The following SCAPER variants were observed in gnomAD, a reference collection of about 807,000 sequenced individuals.
SCAPER encodes the protein S-phase cyclin A associated protein in the ER, also known as S phase cyclin A-associated protein in the endoplasmic reticulum.
Under a neutral mutation model 182.2 loss-of-function variants are expected in SCAPER, and 98 were observed. That is an observed-to-expected ratio of 0.54 (90% CI 0.46 to 0.64). The LOEUF (loss-of-function observed/expected upper bound fraction) is 0.64, where lower values mean the gene tolerates loss of function less well. Ranked by LOEUF, SCAPER falls within the 30% of genes least tolerant of loss-of-function variation. The pLI is 0.00. For missense variants in SCAPER, 1,432 were observed against 1,690.0 expected (o/e 0.85, Z 2.68); for synonymous variants, 605 against 564.6 (o/e 1.07, Z -1.01).
chr15:76,630,094 T>C (rs771557672), intron 21 of SCAPER, among the ~76,000 whole-genome samples: 2 of 152,214 alleles, frequency 1.3e-5, no homozygotes, highest in African/African-American at 2.4e-5. Context: ...ATACAGTATA[T>C]AGTACTGTGG....
rs762297845 is a variant in SCAPER, at chr15:76,765,645, T to C, written c.1420-7A>G. On this transcript the variant is annotated splice_region_variant and splice_polypyrimidine_tract_variant and intron_variant, in intron 11 of 31. Transcript: ENST00000563290. ...TCCCACTGCCCATGCTGGCCTAAAA[T>C]GTAATAAGGGAAGTTGAAAATCAAA... The C allele has an allele frequency of 6.4e-7, 1 of 1,566,608 alleles. No individual in the cohort carries two copies. Among genetic ancestry groups the C allele is most frequent in the Non-Finnish European group, 8.7e-7 (1 of 1,154,078 alleles).
At position 76,765,654 on chromosome 15, in the gene SCAPER, G is replaced by C; in HGVS notation, c.1420-16C>G. ...CCATGCTGGCCTAAAATGTAATAAGGGAAGTTGAAAATCAAATCTTTGAAC... is the reference window on the plus strand; with the variant it reads ...CCATGCTGGCCTAAAATGTAATAAGCGAAGTTGAAAATCAAATCTTTGAAC... On this transcript the variant is annotated splice_polypyrimidine_tract_variant and intron_variant, in intron 11 of 31. Coordinates refer to ENST00000563290, the MANE Select transcript of SCAPER (RefSeq NM_020843.4). 2 of 1,557,062 alleles carry C rather than the reference G, an allele frequency of 1.3e-6. No individual in the cohort carries two copies. Among genetic ancestry groups the C allele is most frequent in the East Asian group, 4.7e-5 (2 of 42,168 alleles).
At chr15:76,454,606 T>A (rs1023706132) in intron 25 of SCAPER, among the ~76,000 whole-genome samples, 2 of 152,208 alleles carry the variant, frequency 1.3e-5, no homozygotes, top group Non-Finnish European at 2.9e-5. Flanking sequence ...CTCATTTTTA[T>A]AATTCATTGA....
rs192708426 is a variant in SCAPER, at chr15:76,807,718, A to T, written c.394-3085T>A. Among the ~76,000 whole-genome samples, 15 of 132,798 alleles carry T rather than the reference A, an allele frequency of 1.1e-4. No individual in the cohort carries two copies. In the Admixed American group the frequency reaches 1.2e-3, roughly 11 times the overall value. 87.1% of individuals were successfully genotyped at this position (132,798 alleles called of 152,430 possible). A position where few individuals can be genotyped will look rare whatever the true frequency, so the allele number is the denominator to read the frequency against. ...CCCATAACAGTCCCCAGAATGTGAT[A>T]TTAACTAACATTAATTTTAACTTCA... On this transcript the variant is annotated intron_variant, in intron 5 of 31. Coordinates refer to ENST00000563290, the MANE Select transcript of SCAPER (RefSeq NM_020843.4).
At chr15:76,468,386 T>C (rs2049857196) in intron 25 of SCAPER, among the ~76,000 whole-genome samples, 1 of 152,088 alleles carries the variant, frequency 6.6e-6, no homozygotes, top group South Asian at 2.1e-4. Flanking sequence ...TAAGCAAAAT[T>C]CATGGGCAGA....
chr15:76,625,201 G>A (rs950662621), intron 21 of SCAPER, among the ~76,000 whole-genome samples: 3 of 152,134 alleles, frequency 2.0e-5, no homozygotes, highest in Non-Finnish European at 4.4e-5. Flanking sequence ...GTAGGTGCTA[G>A]CTTTGGTAGG....
chr15:76,873,562 G>C (rs2072935550), intron 2 of SCAPER, among the ~76,000 whole-genome samples: 1 of 151,988 alleles, frequency 6.6e-6, no homozygotes, highest in African/African-American at 2.4e-5. Flanking sequence ...TAATGTACAA[G>C]TAAAATTGAA....
chr15:76,678,792 G>A (rs1319510480), intron 20 of SCAPER, among the ~76,000 whole-genome samples: 1 of 152,090 alleles, frequency 6.6e-6, no homozygotes, highest in Non-Finnish European at 1.5e-5. Flanking sequence ...ATTTTATATA[G>A]CATCCCCATA....
At chr15:76,653,859 G>A (rs2055382139) in intron 21 of SCAPER, among the ~76,000 whole-genome samples, 1 of 152,022 alleles carries the variant, frequency 6.6e-6, no homozygotes. Context: ...GCAACAAGTG[G>A]GACATAATTA....
intron 20 of SCAPER, among the ~76,000 whole-genome samples, chr15:76,674,189 A>G (rs960738185): frequency 3.3e-5 from 5 of 152,218 alleles, no homozygotes; most frequent in African/African-American, 9.6e-5. Flanking sequence ...GAATATCCCC[A>G]TATCTATTAA....
chr15:76,683,426 A>T (rs2057847272), intron 20 of SCAPER, among the ~76,000 whole-genome samples: 1 of 152,160 alleles, frequency 6.6e-6, no homozygotes, highest in Non-Finnish European at 1.5e-5. Context: ...CAAATCAATG[A>T]TGCCATGGCA....
chr15:76,678,991 T>A (rs2057530954), intron 20 of SCAPER, among the ~76,000 whole-genome samples: 1 of 152,154 alleles, frequency 6.6e-6, no homozygotes, highest in Admixed American at 6.5e-5. Flanking sequence ...TCATAGATGA[T>A]CACTCATCCA....
intron 22 of SCAPER, among the ~76,000 whole-genome samples, chr15:76,580,238 A>G (rs1487177795): frequency 1.3e-5 from 2 of 152,312 alleles, no homozygotes; most frequent in Admixed American, 6.5e-5. Flanking sequence ...TCCTTAGCAC[A>G]TGGATCATTC....
At chr15:76,860,378 T>A (rs1267285651) in intron 3 of SCAPER, among the ~76,000 whole-genome samples, 1 of 152,212 alleles carries the variant, frequency 6.6e-6, no homozygotes, top group Non-Finnish European at 1.5e-5. Flanking sequence ...ATAAATCCAA[T>A]TTTCCCCTCT....
intron 24 of SCAPER, among the ~76,000 whole-genome samples, chr15:76,473,837 C>CT (rs1386405140): frequency 1.3e-5 from 2 of 152,126 alleles, no homozygotes; most frequent in African/African-American, 4.8e-5. Flanking sequence ...GGGTCTCACT[C>CT]TGTCACCCAG....
At chr15:76,659,883 C>T (rs533892339) in intron 21 of SCAPER, among the ~76,000 whole-genome samples, 3 of 152,222 alleles carry the variant, frequency 2.0e-5, no homozygotes, top group African/African-American at 7.2e-5. Flanking sequence ...CCAGCAATTC[C>T]ATTATTGGGT....
At chr15:76,670,708 T>C (rs879372548) in intron 20 of SCAPER, among the ~76,000 whole-genome samples, 5 of 152,226 alleles carry the variant, frequency 3.3e-5, no homozygotes, top group African/African-American at 7.2e-5. Context: ...AACTGAAATA[T>C]TGGTATTAGT....
intron 27 of SCAPER, among the ~76,000 whole-genome samples, chr15:76,384,003 A>G (rs1385180045): frequency 6.6e-6 from 1 of 152,230 alleles, no homozygotes; most frequent in African/African-American, 2.4e-5. Context: ...TCTGTTAGCT[A>G]ATGTCAGCTG....
chr15:76,759,526 A>G (rs2062649068), intron 14 of SCAPER, among the ~76,000 whole-genome samples: 1 of 152,168 alleles, frequency 6.6e-6, no homozygotes, highest in Non-Finnish European at 1.5e-5. Flanking sequence ...ATCTCCTCCT[A>G]AAGAACCCAC....
Sources: gnomAD v4.1 joint callset for allele counts (sites outside exome capture counted in the v4.1 genomes callset) on GRCh38, gnomAD v4.1.1 for gene constraint, MANE v1.5 for transcripts, NCBI Gene and HGNC (gene_info 2026-07-23, HGNC 2026-07-21) for gene names.